BSN: variants seen among roughly 807,000 people sequenced by gnomAD.
BSN encodes bassoon presynaptic cytomatrix protein, also known as protein bassoon.
BSN carries 57 observed loss-of-function variants against 264.8 expected under a neutral mutation model. That is an observed-to-expected ratio of 0.22 (90% CI 0.17 to 0.27). BSN has a LOEUF of 0.27. Ranked by LOEUF, BSN falls within the 10% of genes least tolerant of loss-of-function variation. The probability of loss-of-function intolerance (pLI) is 1.00; values close to 1 mark genes in which losing one functional copy is unlikely to be tolerated. For synonymous variants in BSN, 2,059 were observed against 2,137.3 expected (o/e 0.96, Z 1.01); for missense variants, 4,615 against 5,232.5 (o/e 0.88, Z 3.64).
At chr3:49,608,685 G>C (rs1364037289) in intron 1 of BSN, among the ~76,000 whole-genome samples, 1 of 152,060 alleles carries the variant, frequency 6.6e-6, no homozygotes, top group African/African-American at 2.4e-5. Context: ...AAAACTAGCT[G>C]GGCATGGTGG....
chr3:49,586,372 A>G (rs1344629639), intron 1 of BSN, among the ~76,000 whole-genome samples: 3 of 126,930 alleles, frequency 2.4e-5, no homozygotes, highest in African/African-American at 9.1e-5. Flanking sequence ...ATCATTATCT[A>G]TTTACTTATT....
intron 1 of BSN, among the ~76,000 whole-genome samples, chr3:49,559,528 C>T (rs901765614): frequency 4.6e-5 from 7 of 152,184 alleles, no homozygotes; most frequent in African/African-American, 1.7e-4. Context: ...TCTTCTTAAA[C>T]TCAGCAAATA....
chr3:49,654,583 C>G lies in BSN; in HGVS notation c.5027C>G (p.Pro1676Arg), dbSNP rs1007530455. ...VDLRTAVKPTPIILTDQGMDL... is the reference protein window; with the variant it reads ...VDLRTAVKPTRIILTDQGMDL... ...CTCCGTACAGCTGTCAAGCCCACTC[C>G]CATCATCCTCACTGACCAGGGCATG... The change falls in exon 5 of 12, where the codon CCC (proline) becomes CGC (arginine). Residue 1676 changes from proline to arginine, a missense_variant. This residue lies in a region of BSN where 3,415 missense variants were observed against 3,866.4 expected (regional missense o/e 0.88). Coordinates refer to ENST00000296452, the MANE Select transcript of BSN (RefSeq NM_003458.4). This position sits in a 1 kb window ranked among gnomAD's most constrained non-coding sequence, Gnocchi z 4.1. 1.2e-6 allele frequency: 2 copies of G among 1,612,196 alleles called. No individual in the cohort carries two copies. The highest frequency in any genetic ancestry group is 2.7e-5 in the African/African-American group (2 of 74,908).
Position 49,652,871 on chromosome 3 carries a change from G to A in BSN, c.3315G>A (p.Pro1105=), listed in dbSNP as rs1349292792. 5 of 1,608,678 alleles carry A rather than the reference G, an allele frequency of 3.1e-6. No homozygotes were observed. The highest frequency in any genetic ancestry group is 1.3e-5 in the African/African-American group (1 of 74,788). ...TGTCACCCATCGAGGATGCCTCCCCGACGGAGGAGCTGAGGCAGGCGGCCG... is the reference window on the plus strand; with the variant it reads ...TGTCACCCATCGAGGATGCCTCCCCAACGGAGGAGCTGAGGCAGGCGGCCG... ...SNLSPIEDAS[P]TEELRQAAEM... is the part of the protein sequence containing the mutation. The change falls in exon 5 of 12, where the codon CCG becomes CCA. Residue 1105 remains proline (P), a synonymous_variant. Coordinates refer to ENST00000296452, the MANE Select transcript of BSN (RefSeq NM_003458.4).
At chr3:49,560,152 A>T (rs943450422) in intron 1 of BSN, among the ~76,000 whole-genome samples, 1 of 151,958 alleles carries the variant, frequency 6.6e-6, no homozygotes, top group South Asian at 2.1e-4. Flanking sequence ...CCTCCTACTC[A>T]CATTTGGGGG....
Position 49,650,897 on chromosome 3 carries a change from C to T in BSN, c.1804C>T (p.Pro602Ser). 1.2e-6 allele frequency: 2 copies of T among 1,614,200 alleles called. No individual in the cohort carries two copies. Among genetic ancestry groups the T allele is most frequent in the Non-Finnish European group, 1.7e-6 (2 of 1,180,032 alleles). The part of the protein sequence containing the change: ...PLRASEPSKT[P>S]SSVQEKKTRV... ...CAGGGCTTCTGAACCCAGCAAGACC[C>T]CAAGCAGTGTCCAGGAAAAGAAGAC... is the stretch of plus-strand genomic sequence containing the variant. Residue 602 changes from proline to serine, a missense_variant, in exon 4 of 12, where the codon CCA becomes TCA. Pro to Ser is a moderately conservative substitution (Grantham distance 74). This residue lies in a region of BSN where 1,197 missense variants were observed against 1,348.0 expected (regional missense o/e 0.89). Coordinates refer to ENST00000296452, the MANE Select transcript of BSN (RefSeq NM_003458.4).
chr3:49,620,461 A>T (rs2052296283), intron 1 of BSN, among the ~76,000 whole-genome samples: 1 of 151,952 alleles, frequency 6.6e-6, no homozygotes, highest in South Asian at 2.1e-4. Context: ...AAAAAGAAAA[A>T]AAAAACAAAG....
At chr3:49,647,480 T>C (rs1255229186) in intron 3 of BSN, among the ~76,000 whole-genome samples, 1 of 152,144 alleles carries the variant, frequency 6.6e-6, no homozygotes, top group Non-Finnish European at 1.5e-5. Flanking sequence ...ATCCATCCCC[T>C]GCCCTTTTGT....
chr3:49,630,431 C>T (rs2052376348), intron 2 of BSN, among the ~76,000 whole-genome samples: 1 of 152,196 alleles, frequency 6.6e-6, no homozygotes, highest in Non-Finnish European at 1.5e-5. Context: ...GTCTCCAAGT[C>T]AATAGAGAAA....
At chr3:49,578,231 T>G (rs2051861911) in intron 1 of BSN, among the ~76,000 whole-genome samples, 1 of 151,856 alleles carries the variant, frequency 6.6e-6, no homozygotes, top group African/African-American at 2.4e-5. Flanking sequence ...ACTCCTGCCC[T>G]CAATGCTGCC....
intron 1 of BSN, 74 bp from the exon 2 acceptor site, chr3:49,624,901 C>T: frequency 7.1e-7 from 1 of 1,412,434 alleles, no homozygotes; most frequent in Non-Finnish European, 9.4e-7. Context: ...GCAGGGTCAC[C>T]TAGCTTGGTA....
intron 1 of BSN, among the ~76,000 whole-genome samples, chr3:49,604,497 C>T (rs1389983155): frequency 6.6e-6 from 1 of 152,146 alleles, no homozygotes; most frequent in Admixed American, 6.5e-5. Context: ...GCAAATTTCA[C>T]TTATCGTTTC....
chr3:49,631,557 C>CAAA (rs1289540648), intron 2 of BSN, among the ~76,000 whole-genome samples: 2 of 67,794 alleles, frequency 3.0e-5, no homozygotes, highest in Admixed American at 1.7e-4. Flanking sequence ...GACTCTGTCT[C>CAAA]AAAAAAAAAA....
chr3:49,651,447 A>G lies in BSN; in HGVS notation c.1987-96A>G, dbSNP rs2052540364. On this transcript the variant is annotated intron_variant, in intron 4 of 11. Transcript: ENST00000296452. This position sits in a 1 kb window ranked among gnomAD's most constrained non-coding sequence, Gnocchi z 5.4. Reference sequence around the variant, plus strand: ...CCCTAAACCCTTGGGAAATGGACAGACTCTTCCCCAGGGTCCTGGGATTGA... The same window carrying G: ...CCCTAAACCCTTGGGAAATGGACAGGCTCTTCCCCAGGGTCCTGGGATTGA... 1.5e-6 allele frequency: 2 copies of G among 1,346,058 alleles called. No homozygotes were observed. The allele number at this position is 1,346,058 out of a possible 1,614,324, so 83.4% of individuals were successfully genotyped here.
chr3:49,601,581 A>G (rs1212508680), intron 1 of BSN, among the ~76,000 whole-genome samples: 1 of 152,146 alleles, frequency 6.6e-6, no homozygotes, highest in Non-Finnish European at 1.5e-5. Flanking sequence ...TCTGGCAAAT[A>G]GAGCCCAAGG....
At chr3:49,647,227 G>C (rs1356808189) in intron 3 of BSN, among the ~76,000 whole-genome samples, 1 of 152,236 alleles carries the variant, frequency 6.6e-6, no homozygotes, top group Non-Finnish European at 1.5e-5. Flanking sequence ...ACAATGGCCA[G>C]TGGTCCCAGA....
chr3:49,554,720 C>A lies in BSN; in HGVS notation c.118C>A (p.Pro40Thr), dbSNP rs1272807216. 8.2e-7 allele frequency: 1 copy of A among 1,213,548 alleles called. No individual in the cohort carries two copies. Among genetic ancestry groups the A allele is most frequent in the Non-Finnish European group, 1.0e-6 (1 of 972,382 alleles). The allele number at this position is 1,213,548 out of a possible 1,614,324, so 75.2% of individuals were successfully genotyped here. A position where few individuals can be genotyped will look rare whatever the true frequency, so the allele number is the denominator to read the frequency against. The change falls in exon 1 of 12, where the codon CCG becomes ACG. Residue 40 changes from proline to threonine, a missense_variant. Around this residue, in one of 3 missense-constraint regions of BSN, gnomAD observed 1,197 missense variants for 1,348.0 expected, o/e 0.89. Coordinates refer to ENST00000296452, the MANE Select transcript of BSN (RefSeq NM_003458.4). ...CGGCGCAGGAAAGCCGCCTTCAGCA[C>A]CGGCCGGTGGCGGACAGCTCCCCGC... ...GPGAGKPPSA[P>T]AGGGQLPAAG...
chr3:49,610,135 A>C (rs2052193715), intron 1 of BSN, among the ~76,000 whole-genome samples: 1 of 152,158 alleles, frequency 6.6e-6, no homozygotes, highest in Non-Finnish European at 1.5e-5. Context: ...CTGCCAGTCC[A>C]CATTGATTTC....
chr3:49,662,735 T>G, intron 6 of BSN, 141 bp from the exon 7 acceptor site: 1 of 1,141,786 alleles, frequency 8.8e-7, no homozygotes, highest in Non-Finnish European at 1.2e-6. Context: ...TGGTCCGTGG[T>G]TGCGGGAGGG....
Sources: gnomAD v4.1 joint callset for allele counts (sites outside exome capture counted in the v4.1 genomes callset) on GRCh38, gnomAD v4.1.1 for gene constraint, gnomAD v4.1.1 regional missense constraint, Gnocchi (gnomAD v3.1) non-coding constraint, MANE v1.5 for transcripts, NCBI Gene and HGNC (gene_info 2026-07-23, HGNC 2026-07-21) for gene names.